The following GDF6 variants were observed in gnomAD, a reference collection of about 807,000 sequenced individuals.
GDF6 encodes the protein growth differentiation factor 6, also known as growth/differentiation factor 6.
GDF6 carries 3 observed loss-of-function variants against 32.4 expected under a neutral mutation model. That is an observed-to-expected ratio of 0.09 (90% CI 0.04 to 0.24). The LOEUF is 0.24. GDF6 is among the 10% of genes least tolerant of loss of function. The probability of loss-of-function intolerance (pLI) is 1.00; values close to 1 mark genes in which losing one functional copy is unlikely to be tolerated. For synonymous variants in GDF6, 296 were observed against 295.3 expected (o/e 1.00, Z -0.03); for missense variants, 589 against 637.9 (o/e 0.92, Z 0.83).
At position 96,144,282 on chromosome 8, in the gene GDF6, GAGAGAGAGAA is replaced by G; in HGVS notation, c.*271_*280del. 2 of 483,924 alleles carry G rather than the reference GAGAGAGAGAA, an allele frequency of 4.1e-6. No individual in the cohort carries two copies. Among genetic ancestry groups the G allele is most frequent in the Non-Finnish European group, 7.5e-6 (2 of 267,246 alleles). The allele number at this position is 483,924 out of a possible 1,614,324, so 30.0% of individuals were successfully genotyped here. On this transcript the variant is annotated 3_prime_UTR_variant, in exon 2 of 2. Transcript: ENST00000287020. The surrounding 1 kb of genome is among the most constrained non-coding windows in gnomAD (Gnocchi z 5.1). ...AGAGAGAGAGAGAGAGAGAGAGAGA[GAGAGAGAGAA>G]AACAGAACAAAAGAAATCCTCCTTG...
rs1271746952 is a variant in GDF6, at chr8:96,144,893, G to T, written c.1038C>A (p.His346Gln). 14 of 1,612,850 alleles carry T rather than the reference G, an allele frequency of 8.7e-6. No individual in the cohort carries two copies. The highest frequency in any genetic ancestry group is 1.2e-5 in the Non-Finnish European group (14 of 1,179,632). ...TGCAGCGTAGCCTGGACTTCTTGCC[G>T]TGCCGCTTGCCATGGCGACTGGCGA... Reference protein sequence around the residue: ...TAFASRHGKRHGKKSRLRCSK... With the variant: ...TAFASRHGKRQGKKSRLRCSK... The change falls in exon 2 of 2, where the codon CAC (histidine) becomes CAA (glutamine). Residue 346 changes from histidine to glutamine, a missense_variant. Around this residue, in one of 2 missense-constraint regions of GDF6, gnomAD observed 153 missense variants for 226.7 expected, o/e 0.67. Transcript: ENST00000287020. The surrounding 1 kb of genome is among the most constrained non-coding windows in gnomAD (Gnocchi z 5.1).
chr8:96,159,732 C>G (rs928106333), intron 1 of GDF6, among the ~76,000 whole-genome samples: 4 of 152,374 alleles, frequency 2.6e-5, no homozygotes, highest in African/African-American at 7.2e-5. Flanking sequence ...TCCCACCCAG[C>G]GCAGGGACCA....
intron 1 of GDF6, 96 bp downstream of exon 1, chr8:96,160,191 A>T: frequency 8.4e-7 from 1 of 1,196,444 alleles, no homozygotes; most frequent in Non-Finnish European, 1.3e-6. Flanking sequence ...TGTCCAGAGC[A>T]GGAAGGGAAT....
chr8:96,144,283 A>AGAGAGAGAGAGAGAGAGAGAGG lies in GDF6; in HGVS notation c.*279_*280insCCTCTCTCTCTCTCTCTCTCTC. On this transcript the variant is annotated 3_prime_UTR_variant, in exon 2 of 2. Transcript: ENST00000287020. This position sits in a 1 kb window ranked among gnomAD's most constrained non-coding sequence, Gnocchi z 5.1. ...GAGAGAGAGAGAGAGAGAGAGAGAGAGAGAGAGAAAACAGAACAAAAGAAA... is the reference window on the plus strand; with the variant it reads ...GAGAGAGAGAGAGAGAGAGAGAGAGAGAGAGAGAGAGAGAGAGAGAGGGAGAGAGAAAACAGAACAAAAGAAA... 2.0e-6 allele frequency: 1 copy of AGAGAGAGAGAGAGAGAGAGAGG among 492,312 alleles called. No individual in the cohort carries two copies. Among genetic ancestry groups the AGAGAGAGAGAGAGAGAGAGAGG allele is most frequent in the East Asian group, 3.7e-5 (1 of 27,026 alleles). 30.5% of individuals were successfully genotyped at this position (492,312 alleles called of 1,614,324 possible).
chr8:96,144,778 C>T lies in GDF6; in HGVS notation c.1153G>A (p.Gly385Ser). ...PLEYEAYHCE[G>S]VCDFPLRSHL... is the part of the protein sequence containing the mutation. ...GAGCGCAGCGGGAAGTCGCATACAC[C>T]CTCGCAGTGATAGGCCTCGTACTCC... Residue 385 changes from glycine to serine, a missense_variant, in exon 2 of 2, where the codon GGT (glycine) becomes AGT (serine). By Grantham distance (56) the Gly-to-Ser change is moderately conservative. Transcript: ENST00000287020. The surrounding 1 kb of genome is among the most constrained non-coding windows in gnomAD (Gnocchi z 5.1). 6.2e-7 allele frequency: 1 copy of T among 1,614,152 alleles called. No individual in the cohort carries two copies.
chr8:96,159,125 G>A (rs936703080), intron 1 of GDF6, among the ~76,000 whole-genome samples: 4 of 152,218 alleles, frequency 2.6e-5, no homozygotes, highest in African/African-American at 4.8e-5. Flanking sequence ...ACTTAACTGG[G>A]AGCAGGTCAA....
intron 1 of GDF6, among the ~76,000 whole-genome samples, chr8:96,148,918 G>A (rs758608778): frequency 5.9e-5 from 9 of 152,182 alleles, no homozygotes; most frequent in Non-Finnish European, 1.3e-4. Flanking sequence ...TTCCCTACCT[G>A]TCTAAACCTG....
intron 1 of GDF6, among the ~76,000 whole-genome samples, chr8:96,157,239 G>A (rs190018868): frequency 2.7e-4 from 41 of 151,982 alleles, no homozygotes; most frequent in Non-Finnish European, 4.9e-4. Context: ...TCCCCAATAA[G>A]TTCTCCTCCT....
intron 1 of GDF6, among the ~76,000 whole-genome samples, chr8:96,151,491 CA>C: frequency 6.6e-6 from 1 of 152,306 alleles, no homozygotes; most frequent in East Asian, 1.9e-4. Context: ...CTAGACATCC[CA>C]GCCCTGATCT....
At chr8:96,148,736 C>T (rs1010882365) in intron 1 of GDF6, among the ~76,000 whole-genome samples, 1 of 152,178 alleles carries the variant, frequency 6.6e-6, no homozygotes, top group African/African-American at 2.4e-5. Context: ...CAGTACTCAC[C>T]AGGACCAAGT....
intron 1 of GDF6, among the ~76,000 whole-genome samples, chr8:96,155,428 G>C (rs1563512864): frequency 6.6e-6 from 1 of 152,208 alleles, no homozygotes; most frequent in Non-Finnish European, 1.5e-5. Flanking sequence ...GGCCTTAAAC[G>C]TGCCTTACTT....
intron 1 of GDF6, among the ~76,000 whole-genome samples, chr8:96,152,241 A>G (rs1812580971): frequency 6.6e-6 from 1 of 152,174 alleles, no homozygotes; most frequent in African/African-American, 2.4e-5. Flanking sequence ...GATTCTTCTC[A>G]GTCCTGTGAG....
chr8:96,158,502 T>A (rs1195472997), intron 1 of GDF6, among the ~76,000 whole-genome samples: 1 of 152,188 alleles, frequency 6.6e-6, no homozygotes, highest in East Asian at 1.9e-4. Flanking sequence ...CCAGTTATGG[T>A]GCCCACTTGG....
intron 1 of GDF6, among the ~76,000 whole-genome samples, chr8:96,157,521 G>A (rs1031371610): frequency 1.3e-5 from 2 of 152,118 alleles, no homozygotes; most frequent in African/African-American, 2.4e-5. Context: ...ACCGAGCCAG[G>A]CCAGCCCCAC....
chr8:96,160,739 A>G lies in GDF6; in HGVS notation c.-47T>C. ...CCCCAGGAGGCGGTGGCGGCGGCGC[A>G]GGACGCGCGGGGCACGGAGCGGCTG... On this transcript the variant is annotated 5_prime_UTR_variant, in exon 1 of 2. Transcript: ENST00000287020. 1 of 1,599,408 alleles carries G rather than the reference A, an allele frequency of 6.3e-7. No individual in the cohort carries two copies. The highest frequency in any genetic ancestry group is 8.5e-7 in the Non-Finnish European group (1 of 1,170,228).
At chr8:96,154,308 G>A (rs1198618726) in intron 1 of GDF6, among the ~76,000 whole-genome samples, 3 of 152,084 alleles carry the variant, frequency 2.0e-5, no homozygotes, top group Non-Finnish European at 4.4e-5. Context: ...GTCCAGCGCC[G>A]CCCGCCGCCC....
rs2130206381 is a variant in GDF6 at position 96,145,028 on chromosome 8, C to T, written c.903G>A (p.Glu301=). Residue 301 remains glutamate, a synonymous_variant, in exon 2 of 2, where the codon GAG becomes GAA. Coordinates refer to ENST00000287020, the MANE Select transcript of GDF6 (RefSeq NM_001001557.4). This position sits in a 1 kb window ranked among gnomAD's most constrained non-coding sequence, Gnocchi z 5.6. ...CGGCGCCCGCGCCCGGGCCCGCAGCCTCGGCCGAGCCCAGCTGCTCGCGCA... is the reference window on the plus strand; with the variant it reads ...CGGCGCCCGCGCCCGGGCCCGCAGCTTCGGCCGAGCCCAGCTGCTCGCGCA... The part of the protein sequence containing the change: ...AEMREQLGSA[E]AAGPGAGAEG... 2 of 1,432,768 alleles carry T rather than the reference C, an allele frequency of 1.4e-6. No individual in the cohort carries two copies. The highest frequency in any genetic ancestry group is 1.8e-6 in the Non-Finnish European group (2 of 1,094,436). 88.8% of individuals were successfully genotyped at this position (1,432,768 alleles called of 1,614,324 possible).
rs1413504410 is a variant in GDF6, at chr8:96,144,486, C to T, written c.*77G>A. On this transcript the variant is annotated 3_prime_UTR_variant, in exon 2 of 2. Transcript: ENST00000287020. This position sits in a 1 kb window ranked among gnomAD's most constrained non-coding sequence, Gnocchi z 5.1. ...CCAGCGCCAGCTTCCTCCTCCGCCT[C>T]TCTGCAGCCAGGCCTCCCCTGCAAG... The T allele has an allele frequency of 3.2e-6, 5 of 1,552,062 alleles. No homozygotes were observed. The African/African-American group carries it at 4.1e-5, about 13-fold the overall frequency.
At chr8:96,149,106 C>T (rs983129904) in intron 1 of GDF6, among the ~76,000 whole-genome samples, 2 of 152,210 alleles carry the variant, frequency 1.3e-5, no homozygotes, top group African/African-American at 2.4e-5. Flanking sequence ...TTCCAAAAGC[C>T]TCCTCTCCCA....
Sources: allele counts gnomAD v4.1 joint callset (sites outside exome capture counted in the v4.1 genomes callset), GRCh38; gene constraint gnomAD v4.1.1; regional missense constraint gnomAD v4.1.1; non-coding constraint Gnocchi (gnomAD v3.1); transcripts MANE v1.5; gene names NCBI Gene and HGNC (gene_info 2026-07-23, HGNC 2026-07-21).